The following COL11A1 variants were observed in gnomAD, a reference collection of about 807,000 sequenced individuals.
The protein encoded by COL11A1 is collagen alpha-1(XI) chain.
COL11A1 carries 74 observed loss-of-function variants against 265.2 expected under a neutral mutation model. That is an observed-to-expected ratio of 0.28 (90% CI 0.23 to 0.34). COL11A1 has a LOEUF of 0.34. COL11A1 is among the 10% of genes least tolerant of loss of function. The probability of loss-of-function intolerance (pLI) is 1.00; values close to 1 mark genes in which losing one functional copy is unlikely to be tolerated. For missense variants in COL11A1, 2,165 were observed against 2,263.6 expected, an observed-to-expected ratio of 0.96 and a Z score of 0.88; for synonymous variants, 816 against 727.6, an observed-to-expected ratio of 1.12 and a Z score of -1.96.
At chr1:102,911,495 T>C (rs950137450) in intron 54 of COL11A1, among the ~76,000 whole-genome samples, 7 of 152,106 alleles carry the variant, frequency 4.6e-5, no homozygotes, top group African/African-American at 1.4e-4. Context: ...GAAAATAGAC[T>C]GCAGGTGGTA....
chr1:102,911,214 G>A (rs1201283025), intron 54 of COL11A1, among the ~76,000 whole-genome samples: 1 of 152,062 alleles, frequency 6.6e-6, no homozygotes, highest in Non-Finnish European at 1.5e-5. Context: ...TGTTTTCAGA[G>A]ACAAGTTTTA....
intron 41 of COL11A1, among the ~76,000 whole-genome samples, chr1:102,948,539 A>T (rs998597368): frequency 5.9e-5 from 9 of 151,946 alleles, no homozygotes; most frequent in South Asian, 2.1e-4. Flanking sequence ...GCTTTATATA[A>T]ACAAAAGTGG....
intron 4 of COL11A1, among the ~76,000 whole-genome samples, chr1:103,069,120 A>G (rs1405655711): frequency 6.6e-6 from 1 of 151,824 alleles, no homozygotes; most frequent in Admixed American, 6.6e-5. Flanking sequence ...ACAATGTTTT[A>G]CAAAGAATAA....
At chr1:103,033,151 C>T (rs984990592) in intron 4 of COL11A1, among the ~76,000 whole-genome samples, 1 of 152,066 alleles carries the variant, frequency 6.6e-6, no homozygotes, top group Non-Finnish European at 1.5e-5. Flanking sequence ...GATTGATGCA[C>T]GTTGTACCAT....
chr1:103,090,188 T>C (rs904039893), intron 1 of COL11A1, among the ~76,000 whole-genome samples: 10 of 151,900 alleles, frequency 6.6e-5, no homozygotes, highest in Admixed American at 6.6e-4. Context: ...AAAGTAGCCT[T>C]CCTAATGTAG....
intron 41 of COL11A1, among the ~76,000 whole-genome samples, chr1:102,947,413 T>TA (rs542098358): frequency 6.6e-6 from 1 of 151,748 alleles, no homozygotes; most frequent in Non-Finnish European, 1.5e-5. Context: ...GGTTTCAAAA[T>TA]AAAAAAAATG....
chr1:102,937,712 A>T (rs2616012), intron 44 of COL11A1, among the ~76,000 whole-genome samples: 139,944 of 152,216 alleles, frequency 0.92, 64,918 homozygotes, highest in East Asian at 1. Context: ...TTTGACACAG[A>T]ACAAAAGCCC....
At chr1:103,022,645 C>T (rs1312120403) in intron 8 of COL11A1, 97 bp downstream of exon 8, 6 of 1,470,860 alleles carry the variant, frequency 4.1e-6, no homozygotes, top group Middle Eastern at 2.1e-4. Context: ...AAAATTCAAC[C>T]TGCATTTTAA....
intron 4 of COL11A1, among the ~76,000 whole-genome samples, chr1:103,056,646 G>A (rs1670272925): frequency 6.6e-6 from 1 of 152,082 alleles, no homozygotes; most frequent in Non-Finnish European, 1.5e-5. Flanking sequence ...TGCCCTCAGA[G>A]TAACCTGCTG....
At chr1:102,889,822 ATCATT>A (rs2100860086) in intron 58 of COL11A1, among the ~76,000 whole-genome samples, 1 of 152,268 alleles carries the variant, frequency 6.6e-6, no homozygotes, top group Non-Finnish European at 1.5e-5. Flanking sequence ...TTCTAAAAAT[ATCATT>A]TTAAGTGTTC....
At chr1:103,089,945 G>A (rs1402910843) in intron 1 of COL11A1, among the ~76,000 whole-genome samples, 3 of 152,158 alleles carry the variant, frequency 2.0e-5, no homozygotes, top group African/African-American at 2.4e-5. Flanking sequence ...CCAACATGGC[G>A]AAACCCTGTC....
At position 102,913,797 on chromosome 1, in the gene COL11A1, G is replaced by C. The variant is rs548950539; in HGVS notation, c.3979-107C>G. The C allele has an allele frequency of 4.1e-6, 4 of 971,988 alleles. No homozygotes were observed. The African/African-American group carries it at 6.4e-5, about 16-fold the overall frequency. The allele number at this position is 971,988 out of a possible 1,614,324, so 60.2% of individuals were successfully genotyped here. ...GGCCATCTCTTGAGAAAAATTATCA[G>C]ATGGACAAGTAAAATCATTATATTC... is the stretch of plus-strand genomic sequence containing the variant. On this transcript the variant is annotated intron_variant, in intron 52 of 66. Coordinates refer to ENST00000370096, the MANE Select transcript of COL11A1 (RefSeq NM_001854.4).
At chr1:102,903,110 A>T (rs1430043569) in intron 54 of COL11A1, among the ~76,000 whole-genome samples, 2 of 152,102 alleles carry the variant, frequency 1.3e-5, no homozygotes, top group African/African-American at 4.8e-5. Context: ...AGGACATGGA[A>T]CTAGCTAAAA....
At chr1:102,898,860 T>G (rs1399162493) in intron 55 of COL11A1, 81 bp downstream of exon 55, 9 of 1,321,116 alleles carry the variant, frequency 6.8e-6, no homozygotes, top group African/African-American at 4.4e-5. Context: ...AGTAGATCAG[T>G]TTATGCATGA....
chr1:102,898,942 T>G lies in COL11A1; in HGVS notation c.4139A>C (p.Lys1380Thr). Residue 1380 changes from lysine to threonine, a missense_variant and splice_region_variant, in exon 55 of 67, where the codon AAG (lysine) becomes ACG (threonine). Lys to Thr is a moderately conservative substitution (Grantham distance 78). Transcript: ENST00000370096. Reference protein sequence around the residue: ...AEGRQGEKGAKGEAGAEGPPG... With the variant: ...AEGRQGEKGATGEAGAEGPPG... ...ATGTATATATTATTTTTTTTTTACC[T>G]TAGCACCTTTTTCACCTTGTCTTCC... 6.7e-7 allele frequency: 1 copy of G among 1,492,436 alleles called. No individual in the cohort carries two copies. The highest frequency in any genetic ancestry group is 9.1e-7 in the Non-Finnish European group (1 of 1,096,330). 92.4% of individuals were successfully genotyped at this position (1,492,436 alleles called of 1,614,324 possible). A position where few individuals can be genotyped will look rare whatever the true frequency, so the allele number is the denominator to read the frequency against.
chr1:102,879,867 G>A lies in COL11A1; in HGVS notation c.5090C>T (p.Thr1697Ile). The A allele has an allele frequency of 6.2e-7, 1 of 1,613,846 alleles. No homozygotes were observed. The highest frequency in any genetic ancestry group is 8.5e-7 in the Non-Finnish European group (1 of 1,179,830). ...EGNSINMVQMTFLKLLTASAR... is the reference protein window; with the variant it reads ...EGNSINMVQMIFLKLLTASAR... ...AGAGGCAGTCAGAAGTTTCAGGAAT[G>A]TCATTTGCACCATATTGATGGAATT... Residue 1697 changes from threonine to isoleucine, a missense_variant, in exon 66 of 67, where the codon ACA becomes ATA. By Grantham distance (89) the Thr-to-Ile change is moderately conservative. Coordinates refer to ENST00000370096, the MANE Select transcript of COL11A1 (RefSeq NM_001854.4).
chr1:103,059,243 TA>T (rs1670473556), intron 4 of COL11A1, among the ~76,000 whole-genome samples: 1 of 151,990 alleles, frequency 6.6e-6, no homozygotes, highest in South Asian at 2.1e-4. Context: ...AGAAGGAAAA[TA>T]ACCCCAGCCA....
intron 54 of COL11A1, among the ~76,000 whole-genome samples, chr1:102,900,835 A>G (rs897233887): frequency 6.6e-6 from 1 of 152,136 alleles, no homozygotes; most frequent in Non-Finnish European, 1.5e-5. Context: ...TTATTAAATG[A>G]CTTTGTTCTG....
chr1:102,914,815 A>C lies in COL11A1; in HGVS notation c.3817-4T>G. The C allele has an allele frequency of 1.3e-6, 2 of 1,523,022 alleles. No homozygotes were observed. Among genetic ancestry groups the C allele is most frequent in the African/African-American group, 3.1e-5 (2 of 64,974 alleles). The allele number at this position is 1,523,022 out of a possible 1,614,324, so 94.3% of individuals were successfully genotyped here. A position where few individuals can be genotyped will look rare whatever the true frequency, so the allele number is the denominator to read the frequency against. ...CTCCTCTTTCTCCTTTGGGACCCTA[A>C]ACAATGTTAAAAAAAAAAAAAGAAG... is the stretch of plus-strand genomic sequence containing the variant. On this transcript the variant is annotated splice_polypyrimidine_tract_variant and splice_region_variant and intron_variant, in intron 50 of 66. Coordinates refer to ENST00000370096, the MANE Select transcript of COL11A1 (RefSeq NM_001854.4).
Sources: gnomAD v4.1 joint callset for allele counts (sites outside exome capture counted in the v4.1 genomes callset) on GRCh38, gnomAD v4.1.1 for gene constraint, MANE v1.5 for transcripts, NCBI Gene and HGNC (gene_info 2026-07-23, HGNC 2026-07-21) for gene names.